Variants in LSAMP observed in about 807,000 individuals in gnomAD.
The protein encoded by LSAMP is limbic system associated membrane protein.
Under a neutral mutation model 38.6 loss-of-function variants are expected in LSAMP, and 7 were observed. The observed-to-expected ratio is 0.18, with a 90% CI of 0.10 to 0.34. The LOEUF (loss-of-function observed/expected upper bound fraction) is 0.34, where lower values mean the gene tolerates loss of function less well. Ranked by LOEUF, LSAMP falls within the 10% of genes least tolerant of loss-of-function variation. The pLI, the probability that LSAMP is intolerant of heterozygous loss-of-function variation, is 1.00. For missense variants in LSAMP, 313 were observed against 420.0 expected (o/e 0.75, Z 2.23); for synonymous variants, 154 against 166.8 (o/e 0.92, Z 0.59).
At chr3:115,897,215 C>G (rs1434332383) in intron 3 of LSAMP, among the ~76,000 whole-genome samples, 1 of 152,042 alleles carries the variant, frequency 6.6e-6, no homozygotes, top group African/African-American at 2.4e-5. Flanking sequence ...TAAAGCTGAT[C>G]ATTTTTCCCC....
At position 115,810,169 on chromosome 3, in the gene LSAMP, T is replaced by C. The variant is rs1467836936; in HGVS notation, c.*148A>G. On this transcript the variant is annotated 3_prime_UTR_variant, in exon 7 of 7. Coordinates refer to ENST00000490035, the MANE Select transcript of LSAMP (RefSeq NM_002338.5). Reference sequence around the variant, plus strand: ...TTGTATTTTCTTCTTCACTTTCTTATTTCCCCCTTCATGTATAAACACACA... The same window carrying C: ...TTGTATTTTCTTCTTCACTTTCTTACTTCCCCCTTCATGTATAAACACACA... 3 of 598,606 alleles carry C rather than the reference T, an allele frequency of 5.0e-6. No homozygotes were observed. Among genetic ancestry groups the C allele is most frequent in the Non-Finnish European group, 8.9e-6 (3 of 338,450 alleles). 37.1% of individuals were successfully genotyped at this position (598,606 alleles called of 1,614,324 possible).
intron 1 of LSAMP, among the ~76,000 whole-genome samples, chr3:116,163,688 C>T (rs1391941923): frequency 3.9e-5 from 6 of 151,966 alleles, no homozygotes; most frequent in Non-Finnish European, 5.9e-5. Flanking sequence ...TTTATAGTCC[C>T]ACCAACAGTG....
chr3:116,315,099 A>G (rs1289439799), intron 1 of LSAMP, among the ~76,000 whole-genome samples: 1 of 152,148 alleles, frequency 6.6e-6, no homozygotes, highest in Non-Finnish European at 1.5e-5. Context: ...ATGACTTTCA[A>G]TTTCCCTAAA....
intron 1 of LSAMP, among the ~76,000 whole-genome samples, chr3:116,196,050 G>T (rs998807): frequency 0.81 from 122,878 of 152,186 alleles, 50,339 homozygotes; most frequent in East Asian, 0.91. Context: ...TTTCAGAAAT[G>T]TAAACACTTT....
intron 3 of LSAMP, among the ~76,000 whole-genome samples, chr3:116,000,106 A>T (rs1214718682): frequency 1.3e-5 from 2 of 152,164 alleles, no homozygotes; most frequent in Non-Finnish European, 2.9e-5. Context: ...TATCAAGAGA[A>T]GATTCAAGCC....
At chr3:116,065,377 T>C (rs1427632190) in intron 2 of LSAMP, among the ~76,000 whole-genome samples, 1 of 152,240 alleles carries the variant, frequency 6.6e-6, no homozygotes, top group Non-Finnish European at 1.5e-5. Flanking sequence ...TGCAGCTATA[T>C]ATAATATTTT....
chr3:116,320,515 A>G (rs1271075875), intron 1 of LSAMP, among the ~76,000 whole-genome samples: 1 of 152,144 alleles, frequency 6.6e-6, no homozygotes, highest in Non-Finnish European at 1.5e-5. Context: ...CCGCTGTGAG[A>G]CAGAAGTATT....
At chr3:116,192,947 C>T (rs966904187) in intron 1 of LSAMP, among the ~76,000 whole-genome samples, 7 of 152,156 alleles carry the variant, frequency 4.6e-5, no homozygotes, top group African/African-American at 1.7e-4. Flanking sequence ...CTTCAACCAC[C>T]ACTTAATTAG....
Position 116,086,625 on chromosome 3 carries a change from C to G in LSAMP, c.156-69G>C, listed in dbSNP as rs1391587810. The G allele has an allele frequency of 2.5e-6, 3 of 1,197,590 alleles. No homozygotes were observed. The African/African-American group carries it at 4.5e-5, about 18-fold the overall frequency. 74.2% of individuals were successfully genotyped at this position (1,197,590 alleles called of 1,614,324 possible). A position where few individuals can be genotyped will look rare whatever the true frequency, so the allele number is the denominator to read the frequency against. ...TTTCTGCGTTTCTTCTCTAGGTGAT[C>G]AGACTCAACAAGTCTAAACAAGGAA... is the stretch of plus-strand genomic sequence containing the variant. On this transcript the variant is annotated intron_variant, in intron 1 of 6. Coordinates refer to ENST00000490035, the MANE Select transcript of LSAMP (RefSeq NM_002338.5).
chr3:115,819,189 T>C (rs995817130), intron 6 of LSAMP, among the ~76,000 whole-genome samples: 1 of 151,916 alleles, frequency 6.6e-6, no homozygotes, highest in Admixed American at 6.6e-5. Context: ...CTCACGCCTG[T>C]AATCCCAGCA....
intron 3 of LSAMP, among the ~76,000 whole-genome samples, chr3:115,924,609 G>T (rs977260902): frequency 6.6e-6 from 1 of 152,176 alleles, no homozygotes; most frequent in Non-Finnish European, 1.5e-5. Flanking sequence ...ACTTTTGAAA[G>T]ATTATTTCCT....
intron 1 of LSAMP, among the ~76,000 whole-genome samples, chr3:116,096,192 G>A (rs1434881751): frequency 6.6e-6 from 1 of 152,194 alleles, no homozygotes; most frequent in Non-Finnish European, 1.5e-5. Context: ...CACAGGAGTA[G>A]TAGGTACTTC....
chr3:116,095,930 G>C (rs1161305406), intron 1 of LSAMP, among the ~76,000 whole-genome samples: 1 of 152,122 alleles, frequency 6.6e-6, no homozygotes, highest in Non-Finnish European at 1.5e-5. Context: ...GTGGGGTGGC[G>C]ATAGGTTTAG....
intron 5 of LSAMP, 50 bp downstream of exon 5, chr3:115,842,408 C>A: frequency 6.2e-7 from 1 of 1,600,988 alleles, no homozygotes; most frequent in South Asian, 1.1e-5. Flanking sequence ...ATTCTGGTGT[C>A]CCCAGGCCCA....
chr3:116,087,403 G>T (rs1440410798), intron 1 of LSAMP, among the ~76,000 whole-genome samples: 1 of 151,806 alleles, frequency 6.6e-6, no homozygotes, highest in Non-Finnish European at 1.5e-5. Context: ...GTGAAGGAGG[G>T]GTAAATACTT....
At chr3:116,260,886 T>C (rs2046817696) in intron 1 of LSAMP, among the ~76,000 whole-genome samples, 1 of 152,094 alleles carries the variant, frequency 6.6e-6, no homozygotes, top group South Asian at 2.1e-4. Context: ...TTTCCTTGAG[T>C]GTTTGTTGAT....
intron 1 of LSAMP, among the ~76,000 whole-genome samples, chr3:116,417,112 G>A (rs2107848614): frequency 6.6e-6 from 1 of 152,240 alleles, no homozygotes; most frequent in African/African-American, 2.4e-5. Flanking sequence ...ATCAAAAAAT[G>A]TGCATACCTC....
At chr3:115,962,651 T>C (rs1559898734) in intron 3 of LSAMP, among the ~76,000 whole-genome samples, 1 of 152,224 alleles carries the variant, frequency 6.6e-6, no homozygotes, top group Non-Finnish European at 1.5e-5. Flanking sequence ...ATACATAAGC[T>C]GTTTATTCAC....
At chr3:116,049,472 C>T (rs908843135) in intron 2 of LSAMP, among the ~76,000 whole-genome samples, 2 of 152,106 alleles carry the variant, frequency 1.3e-5, no homozygotes, top group East Asian at 1.9e-4. Context: ...CCAATGTCAC[C>T]CAACAAAAGA....
Sources: gnomAD v4.1 joint callset for allele counts (sites outside exome capture counted in the v4.1 genomes callset) on GRCh38, gnomAD v4.1.1 for gene constraint, MANE v1.5 for transcripts, NCBI Gene and HGNC (gene_info 2026-07-23, HGNC 2026-07-21) for gene names.